Variants in TM4SF20 observed in about 807,000 individuals in gnomAD.
TM4SF20 encodes the protein transmembrane 4 L6 family member 20.
In TM4SF20, 13 loss-of-function variants were observed where a neutral mutation model predicts 15.1. The ratio of observed to expected loss-of-function variants is 0.86; its 90% CI spans 0.56 to 1.36. The LOEUF (loss-of-function observed/expected upper bound fraction) is 1.36, where lower values mean the gene tolerates loss of function less well. TM4SF20 is among the 40% of genes most tolerant of loss of function. The probability of loss-of-function intolerance (pLI) is 0.00; values close to 1 mark genes in which losing one functional copy is unlikely to be tolerated. For missense variants in TM4SF20, 282 were observed against 268.4 expected, an observed-to-expected ratio of 1.05 and a Z score of -0.35; for synonymous variants, 92 against 96.6, an observed-to-expected ratio of 0.95 and a Z score of 0.28.
chr2:227,376,723 G>C (rs999564429), intron 1 of TM4SF20, among the ~76,000 whole-genome samples: 8 of 152,180 alleles, frequency 5.3e-5, no homozygotes, highest in Non-Finnish European at 1.0e-4. Flanking sequence ...TTAATTTATA[G>C]ATTATATCTT....
In TM4SF20 at chr2:227,375,380, A is replaced by G. The variant is rs543084343; in HGVS notation, c.183+3706T>C. ...TGCATTCTAGCTTGAGTGACAGAGC[A>G]TGACCTTGTCTCAAAAACAATGACC... On this transcript the variant is annotated intron_variant, in intron 1 of 3. Transcript: ENST00000304568. Among the ~76,000 whole-genome samples, 165 of 152,316 alleles carry G rather than the reference A, an allele frequency of 1.1e-3. 2 individuals carry two copies. Among genetic ancestry groups the G allele is most frequent in the Admixed American group, 7.6e-3 (116 of 15,306 alleles).
In TM4SF20 at chr2:227,366,134, G is replaced by A; in HGVS notation, c.360C>T (p.Ser120=). The A allele has an allele frequency of 6.2e-7, 1 of 1,613,872 alleles. No individual in the cohort carries two copies. ...LKGPLMCNSP[S]NSNANCEFSL... is the part of the protein sequence containing the mutation. ...AAAATTCACAATTGGCATTACTGTTGCTTGGAGAATTACACATGAGAGGAC... is the reference window on the plus strand; with the variant it reads ...AAAATTCACAATTGGCATTACTGTTACTTGGAGAATTACACATGAGAGGAC... The change falls in exon 3 of 4, where the codon AGC becomes AGT. Residue 120 remains serine (S), a synonymous_variant. Coordinates refer to ENST00000304568, the MANE Select transcript of TM4SF20 (RefSeq NM_024795.4).
At chr2:227,370,517 G>A (rs1160419672) in intron 2 of TM4SF20, among the ~76,000 whole-genome samples, 2 of 152,166 alleles carry the variant, frequency 1.3e-5, no homozygotes, top group African/African-American at 2.4e-5. Context: ...AGCACTTTGG[G>A]AGGCCGAGGC....
Position 227,379,194 on chromosome 2 carries a change from G to GTT in TM4SF20, c.74_75insAA (p.Asn26ThrfsTer6). ...AGCTGACAATTAGAGGTATCGCATT[G>GTT]AGAACTACTCCTAACAGCAGTAGAA... On this transcript the variant is annotated frameshift_variant, in exon 1 of 4. Coordinates refer to ENST00000304568, the MANE Select transcript of TM4SF20 (RefSeq NM_024795.4). LOFTEE classifies it high-confidence loss of function. 1 of 1,614,182 alleles carries GTT rather than the reference G, an allele frequency of 6.2e-7. No homozygotes were observed. Among genetic ancestry groups the GTT allele is most frequent in the Non-Finnish European group, 8.5e-7 (1 of 1,180,016 alleles).
rs1275673566 is a variant in TM4SF20, at chr2:227,366,138, G to A, written c.356C>T (p.Pro119Leu). 1 of 1,613,918 alleles carries A rather than the reference G, an allele frequency of 6.2e-7. No individual in the cohort carries two copies. The highest frequency in any genetic ancestry group is 8.5e-7 in the Non-Finnish European group (1 of 1,179,956). Reference protein sequence around the residue: ...LLKGPLMCNSPSNSNANCEFS... With the variant: ...LLKGPLMCNSLSNSNANCEFS... Reference sequence around the variant, plus strand: ...TTCACAATTGGCATTACTGTTGCTTGGAGAATTACACATGAGAGGACCTTT... The same window carrying A: ...TTCACAATTGGCATTACTGTTGCTTAGAGAATTACACATGAGAGGACCTTT... The change falls in exon 3 of 4, where the codon CCA becomes CTA. Residue 119 changes from proline (P) to leucine (L), a missense_variant. Physicochemically the swap from Pro to Leu is moderately conservative, Grantham distance 98. Transcript: ENST00000304568.
chr2:227,366,668 C>T (rs73090128), intron 2 of TM4SF20, among the ~76,000 whole-genome samples: 11,951 of 131,626 alleles, frequency 0.091, 1,231 homozygotes, highest in African/African-American at 0.26. Context: ...GGCAGTCATC[C>T]GAGATCGTGC....
intron 1 of TM4SF20, among the ~76,000 whole-genome samples, chr2:227,373,653 G>A (rs1280685156): frequency 6.6e-6 from 1 of 152,048 alleles, no homozygotes; most frequent in African/African-American, 2.4e-5. Context: ...GGAAGAGGCC[G>A]GGCGCGGTGG....
chr2:227,367,793 A>T (rs1044999829), intron 2 of TM4SF20, among the ~76,000 whole-genome samples: 2 of 152,124 alleles, frequency 1.3e-5, no homozygotes, highest in African/African-American at 2.4e-5. Flanking sequence ...TACTATTATT[A>T]TTTCCATTTT....
intron 1 of TM4SF20, 141 bp downstream of exon 1, chr2:227,378,945 A>T (rs1458942172): frequency 9.4e-6 from 7 of 744,934 alleles, no homozygotes; most frequent in Non-Finnish European, 1.5e-5. Flanking sequence ...CTGATGACCA[A>T]TATAAATTAA....
In TM4SF20 at chr2:227,364,030, A is replaced by C; in HGVS notation, c.402-18T>G. The C allele has an allele frequency of 1.3e-6, 2 of 1,597,772 alleles. No individual in the cohort carries two copies. Among genetic ancestry groups the C allele is most frequent in the Non-Finnish European group, 1.7e-6 (2 of 1,171,504 alleles). On this transcript the variant is annotated intron_variant, in intron 3 of 3. Transcript: ENST00000304568. ...GAATGTCACTGAAAAACAAAAGATA[A>C]AAATCAGATATTCAGAAATATCCCT...
Position 227,366,107 on chromosome 2 carries a change from T to C in TM4SF20, c.387A>G (p.Ser129=), listed in dbSNP as rs772486646. 1 of 1,612,128 alleles carries C rather than the reference T, an allele frequency of 6.2e-7. No individual in the cohort carries two copies. Among genetic ancestry groups the C allele is most frequent in the Non-Finnish European group, 8.5e-7 (1 of 1,179,482 alleles). The change falls in exon 3 of 4, where the codon TCA becomes TCG. Residue 129 remains serine, a synonymous_variant. Coordinates refer to ENST00000304568, the MANE Select transcript of TM4SF20 (RefSeq NM_024795.4). ...AAGTTACTTACCTGATGTTTTTCAATGAAAATTCACAATTGGCATTACTGT... is the reference window on the plus strand; with the variant it reads ...AAGTTACTTACCTGATGTTTTTCAACGAAAATTCACAATTGGCATTACTGT... ...PSNSNANCEF[S]LKNISDIHPE...
At chr2:227,376,029 A>G (rs1169296894) in intron 1 of TM4SF20, among the ~76,000 whole-genome samples, 1 of 152,232 alleles carries the variant, frequency 6.6e-6, no homozygotes, top group Non-Finnish European at 1.5e-5. Context: ...AATTAAGTAC[A>G]TCACATTTTT....
Position 227,362,092 on chromosome 2 carries a change from T to C in TM4SF20, c.*1632A>G, listed in dbSNP as rs1159890266. On this transcript the variant is annotated 3_prime_UTR_variant, in exon 4 of 4. Transcript: ENST00000304568. ...CAGCTATAATGTAGGTACTGCAAAT[T>C]ATTTCTGGAACCTTAAGCCCAATGA... 1.3e-5 allele frequency: 2 copies of C among 152,250 alleles called. No homozygotes were observed. The highest frequency in any genetic ancestry group is 1.5e-5 in the Non-Finnish European group (1 of 68,052). The allele number at this position is 152,250 out of a possible 1,614,324, so 9.4% of individuals were successfully genotyped here.
At chr2:227,364,361 T>C (rs1220745727) in intron 3 of TM4SF20, among the ~76,000 whole-genome samples, 3 of 151,124 alleles carry the variant, frequency 2.0e-5, no homozygotes, top group Admixed American at 6.6e-5. Context: ...TTGCTAGATA[T>C]AAAAACTAAG....
intron 3 of TM4SF20, 88 bp from the exon 4 acceptor site, chr2:227,364,100 C>T (rs1416705317): frequency 1.5e-6 from 2 of 1,302,506 alleles, no homozygotes; most frequent in East Asian, 2.5e-5. Flanking sequence ...ATGAGTGAAA[C>T]GAATGTACTT....
intron 2 of TM4SF20, among the ~76,000 whole-genome samples, chr2:227,369,510 C>T (rs537141911): frequency 6.9e-6 from 1 of 144,116 alleles, no homozygotes; most frequent in African/African-American, 2.6e-5. Context: ...CTCACTGAAA[C>T]CTTTGCCTCC....
chr2:227,371,849 T>C (rs953219831), intron 1 of TM4SF20, among the ~76,000 whole-genome samples: 1 of 152,242 alleles, frequency 6.6e-6, no homozygotes, highest in Admixed American at 6.5e-5. Flanking sequence ...CCATGATATG[T>C]AATGATCTCA....
At chr2:227,366,829 C>G (rs1285334991) in intron 2 of TM4SF20, among the ~76,000 whole-genome samples, 1 of 149,790 alleles carries the variant, frequency 6.7e-6, no homozygotes, top group Non-Finnish European at 1.5e-5. Flanking sequence ...TTTCTTCTGA[C>G]CACTGAGATC....
At chr2:227,377,251 T>C (rs2076455748) in intron 1 of TM4SF20, among the ~76,000 whole-genome samples, 1 of 152,228 alleles carries the variant, frequency 6.6e-6, no homozygotes, top group Non-Finnish European at 1.5e-5. Flanking sequence ...CGTTAAGTCA[T>C]GCTCAGCCAG....
Sources: allele counts gnomAD v4.1 joint callset (sites outside exome capture counted in the v4.1 genomes callset), GRCh38; gene constraint gnomAD v4.1.1; transcripts MANE v1.5; gene names NCBI Gene and HGNC (gene_info 2026-07-23, HGNC 2026-07-21).